Variants in SYNPR observed in about 807,000 individuals in gnomAD.
SYNPR encodes the protein synaptoporin.
In SYNPR, 23 loss-of-function variants were observed where a neutral mutation model predicts 32.9. The ratio of observed to expected loss-of-function variants is 0.70; its 90% confidence interval spans 0.50 to 0.99. SYNPR has a LOEUF of 0.99. SYNPR is among the 50% of genes least tolerant of loss of function. The pLI is 0.00. For missense variants in SYNPR, 318 were observed against 349.3 expected, an observed-to-expected ratio of 0.91 and a Z score of 0.71; for synonymous variants, 146 against 135.9, an observed-to-expected ratio of 1.07 and a Z score of -0.52.
At chr3:63,364,952 A>G (rs1315442908) in intron 2 of SYNPR, among the ~76,000 whole-genome samples, 1 of 152,192 alleles carries the variant, frequency 6.6e-6, no homozygotes, top group Non-Finnish European at 1.5e-5. Context: ...AATAAATTGA[A>G]ATAGGGGCCA....
At chr3:63,445,290 G>A (rs1011833534) in intron 2 of SYNPR, among the ~76,000 whole-genome samples, 11 of 152,160 alleles carry the variant, frequency 7.2e-5, no homozygotes, top group African/African-American at 2.7e-4. Flanking sequence ...TTACAGAAGT[G>A]TTAGGGCTCC....
At chr3:63,333,218 C>T (rs2087249061) in intron 2 of SYNPR, among the ~76,000 whole-genome samples, 1 of 151,908 alleles carries the variant, frequency 6.6e-6, no homozygotes, top group Admixed American at 6.6e-5. Flanking sequence ...TGCCCTCTAT[C>T]TCCAGTTAGG....
chr3:63,356,775 C>G (rs544761912), intron 2 of SYNPR, among the ~76,000 whole-genome samples: 2 of 152,292 alleles, frequency 1.3e-5, no homozygotes, highest in African/African-American at 2.4e-5. Flanking sequence ...TTCCCTGACA[C>G]AAACTTATAG....
intron 3 of SYNPR, among the ~76,000 whole-genome samples, chr3:63,481,191 A>G (rs530342387): frequency 1.2e-4 from 18 of 152,248 alleles, no homozygotes; most frequent in African/African-American, 4.1e-4. Context: ...AAAAGAAAAA[A>G]TACTTGCTAC....
intron 1 of SYNPR, among the ~76,000 whole-genome samples, chr3:63,246,177 C>A (rs1048566115): frequency 3.3e-5 from 5 of 152,012 alleles, no homozygotes; most frequent in Admixed American, 2.0e-4. Flanking sequence ...AAAAATGTAT[C>A]CCCTTGCATG....
chr3:63,248,611 A>G (rs867668291), intron 1 of SYNPR, among the ~76,000 whole-genome samples: 1 of 152,124 alleles, frequency 6.6e-6, no homozygotes, highest in African/African-American at 2.4e-5. Context: ...TCTGAAGTTT[A>G]TATGTGTGTT....
chr3:63,239,503 G>A (rs57764967), intron 1 of SYNPR, among the ~76,000 whole-genome samples: 2,054 of 42,266 alleles, frequency 0.049, no homozygotes, highest in Non-Finnish European at 0.059. Flanking sequence ...TGGTAGAATG[G>A]GTAACAATGG....
chr3:63,493,333 T>G (rs1701291124), intron 3 of SYNPR, among the ~76,000 whole-genome samples: 1 of 152,060 alleles, frequency 6.6e-6, no homozygotes. Context: ...AGCCGAGACA[T>G]GAAACCATCA....
chr3:63,321,353 A>G (rs916944430), intron 2 of SYNPR, among the ~76,000 whole-genome samples: 2 of 152,170 alleles, frequency 1.3e-5, no homozygotes, highest in Admixed American at 6.6e-5. Context: ...AGAAGAAAGT[A>G]TGTTTTATTC....
intron 2 of SYNPR, among the ~76,000 whole-genome samples, chr3:63,262,421 A>G (rs573139666): frequency 6.6e-6 from 1 of 152,272 alleles, no homozygotes; most frequent in South Asian, 2.1e-4. Flanking sequence ...TGAGGAAGTT[A>G]TCTAGTGGCT....
intron 4 of SYNPR, among the ~76,000 whole-genome samples, chr3:63,589,761 A>C (rs182649183): frequency 0.14 from 16,868 of 121,986 alleles, 1,602 homozygotes; most frequent in South Asian, 0.35. Flanking sequence ...ACAACCCTTC[A>C]TGCTAAAAAC....
rs545361987 is a variant in SYNPR at position 63,496,011 on chromosome 3, G to A, written c.209+15055G>A. Among the ~76,000 whole-genome samples, 61 of 152,196 alleles carry A rather than the reference G, an allele frequency of 4.0e-4. 1 individual carries two copies. Among genetic ancestry groups the A allele is most frequent in the South Asian group, 3.7e-3 (18 of 4,828 alleles). On this transcript the variant is annotated intron_variant, in intron 3 of 5. Transcript: ENST00000478300. ...ATTGCAACAGATGTACCTCCTTTGT[G>A]CAGAATGTCAATAACAGGGGAGACT...
intron 2 of SYNPR, among the ~76,000 whole-genome samples, chr3:63,468,838 T>G (rs1700739240): frequency 6.6e-6 from 1 of 152,086 alleles, no homozygotes; most frequent in Non-Finnish European, 1.5e-5. Flanking sequence ...AACCTCCTAC[T>G]ATTCTGATAA....
At chr3:63,300,046 A>G (rs563290746) in intron 2 of SYNPR, among the ~76,000 whole-genome samples, 19 of 152,248 alleles carry the variant, frequency 1.2e-4, no homozygotes, top group Non-Finnish European at 2.5e-4. Flanking sequence ...CCTTGATTAC[A>G]GAACTGGGAT....
chr3:63,278,684 C>G lies in SYNPR; in HGVS notation c.26C>G (p.Ser9Cys), dbSNP rs1182158782. ...CGCCTCATTCCCCCAAAGCTGGCCTCTGCGGGCACCTTCCGGGTGCTGAAG... is the reference window on the plus strand; with the variant it reads ...CGCCTCATTCCCCCAAAGCTGGCCTGTGCGGGCACCTTCCGGGTGCTGAAG... The part of the protein sequence containing the change: MDPVSQLA[S>C]AGTFRVLKEP... The change falls in exon 2 of 6, where the codon TCT becomes TGT. Residue 9 changes from serine (S) to cysteine (C), a missense_variant. Coordinates refer to ENST00000478300, the MANE Select transcript of SYNPR (RefSeq NM_001130003.2). 1 of 1,551,708 alleles carries G rather than the reference C, an allele frequency of 6.4e-7. No homozygotes were observed. The highest frequency in any genetic ancestry group is 8.7e-7 in the Non-Finnish European group (1 of 1,146,990).
chr3:63,506,158 T>C (rs1701583561), intron 3 of SYNPR, among the ~76,000 whole-genome samples: 1 of 149,614 alleles, frequency 6.7e-6, no homozygotes, highest in South Asian at 2.1e-4. Context: ...TCCTCCGCTC[T>C]CTTCTTCTTT....
intron 1 of SYNPR, among the ~76,000 whole-genome samples, chr3:63,234,534 C>A (rs187483261): frequency 5.9e-5 from 9 of 152,284 alleles, no homozygotes; most frequent in Admixed American, 5.2e-4. Flanking sequence ...ATGCTGTATA[C>A]CCTTTCAGTA....
intron 2 of SYNPR, among the ~76,000 whole-genome samples, chr3:63,308,207 T>C (rs567718779): frequency 1.6e-4 from 25 of 152,182 alleles, no homozygotes; most frequent in African/African-American, 5.8e-4. Context: ...GGCTCATTTA[T>C]TGTGGGTGGT....
intron 4 of SYNPR, among the ~76,000 whole-genome samples, chr3:63,565,608 C>T (rs1055023781): frequency 5.3e-5 from 8 of 152,184 alleles, no homozygotes; most frequent in African/African-American, 1.9e-4. Context: ...ACATTGACAA[C>T]ACAAGGCTTT....
Sources: allele counts gnomAD v4.1 joint callset (sites outside exome capture counted in the v4.1 genomes callset), GRCh38; gene constraint gnomAD v4.1.1; transcripts MANE v1.5; gene names NCBI Gene and HGNC (gene_info 2026-07-23, HGNC 2026-07-21).